The following S100A7A variants were observed in gnomAD, a reference collection of about 807,000 sequenced individuals.
S100A7A encodes S100 calcium binding protein A7A.
S100A7A carries 5 observed loss-of-function variants against 4.0 expected under a neutral mutation model. The observed-to-expected ratio is 1.26, with a 90% CI of 0.66 to 2.66. S100A7A has a LOEUF of 2.66. Among genes scored for constraint, S100A7A ranks in the 30% most tolerant of loss-of-function variants. The pLI, the probability that S100A7A is intolerant of heterozygous loss-of-function variation, is 0.01. For missense variants in S100A7A, 159 were observed against 125.1 expected, an observed-to-expected ratio of 1.27 and a Z score of -1.29; for synonymous variants, 52 against 46.4, an observed-to-expected ratio of 1.12 and a Z score of -0.49.
At chr1:153,417,351 A>G (rs1172439506) in intron 1 of S100A7A, 1 of 152,214 alleles carries the variant, frequency 6.6e-6, no homozygotes, top group African/African-American at 2.4e-5. Flanking sequence ...AAGAGCAGAC[A>G]TGAAGCGACT....
Position 153,419,316 on chromosome 1 carries a change from C to T in S100A7A, c.*7C>T. Reference sequence around the variant, plus strand: ...TTCTGGGGGAAGCCAGTGATCCAGCCCCACCAAGGGGCCTCCAGAGACCCC... The same window carrying T: ...TTCTGGGGGAAGCCAGTGATCCAGCTCCACCAAGGGGCCTCCAGAGACCCC... On this transcript the variant is annotated 3_prime_UTR_variant, in exon 3 of 3. Transcript: ENST00000368729. 3.1e-6 allele frequency: 5 copies of T among 1,613,112 alleles called. No homozygotes were observed. The highest frequency in any genetic ancestry group is 4.2e-6 in the Non-Finnish European group (5 of 1,179,568).
rs961604379 is a variant in S100A7A, at chr1:153,420,640, A to G, written c.*1331A>G. The G allele has an allele frequency of 2.6e-5, 4 of 152,286 alleles. No individual in the cohort carries two copies. Among genetic ancestry groups the G allele is most frequent in the African/African-American group, 9.6e-5 (4 of 41,518 alleles). 9.4% of individuals were successfully genotyped at this position (152,286 alleles called of 1,614,324 possible). A position where few individuals can be genotyped will look rare whatever the true frequency, so the allele number is the denominator to read the frequency against. Reference sequence around the variant, plus strand: ...ATCAGGAACATTCCTTCCTGAACATATTCTGCACCTCGTCAGCCTTCAGGA... The same window carrying G: ...ATCAGGAACATTCCTTCCTGAACATGTTCTGCACCTCGTCAGCCTTCAGGA... On this transcript the variant is annotated 3_prime_UTR_variant, in exon 3 of 3. Transcript: ENST00000368729.
At chr1:153,418,730 GGT>G (rs1662807852) in intron 2 of S100A7A, among the ~76,000 whole-genome samples, 1 of 152,156 alleles carries the variant, frequency 6.6e-6, no homozygotes, top group African/African-American at 2.4e-5. Flanking sequence ...AGATGAGTTT[GGT>G]GGAAAAGGAG....
Position 153,421,773 on chromosome 1 carries a change from A to C in S100A7A, c.*2464A>C, listed in dbSNP as rs951379656. On this transcript the variant is annotated 3_prime_UTR_variant, in exon 3 of 3. Coordinates refer to ENST00000368729, the MANE Select transcript of S100A7A (RefSeq NM_176823.4). The stretch of plus-strand genomic sequence containing the variant: ...GTCCAGAAGGCAATTGGCCACTCCT[A>C]ATGTGGGCCTGCCCTCCCTTTATTT... The C allele has an allele frequency of 1.1e-4, 16 of 152,238 alleles. No individual in the cohort carries two copies. Among genetic ancestry groups the C allele is most frequent in the African/African-American group, 3.9e-4 (16 of 41,464 alleles). 9.4% of individuals were successfully genotyped at this position (152,238 alleles called of 1,614,324 possible).
chr1:153,419,316 CCCACCAAGGGGCCT>C lies in S100A7A; in HGVS notation c.*11_*24del, dbSNP rs1223959270. The C allele has an allele frequency of 6.2e-7, 1 of 1,613,112 alleles. No homozygotes were observed. Among genetic ancestry groups the C allele is most frequent in the East Asian group, 2.2e-5 (1 of 44,862 alleles). ...TTCTGGGGGAAGCCAGTGATCCAGC[CCCACCAAGGGGCCT>C]CCAGAGACCCCAGGAACAATAAGTG... On this transcript the variant is annotated 3_prime_UTR_variant, in exon 3 of 3. Coordinates refer to ENST00000368729, the MANE Select transcript of S100A7A (RefSeq NM_176823.4).
rs745964524 is a variant in S100A7A, at chr1:153,418,248, T to C, written c.141+25T>C. 25 of 1,613,600 alleles carry C rather than the reference T, an allele frequency of 1.5e-5. No individual in the cohort carries two copies. The East Asian group carries it at 4.0e-4, about 26-fold the overall frequency. ...TGTGAGTTGGGGTCTAGCTTCTCAA[T>C]GTTGGTTGGACCCTGGCATGGCTGA... On this transcript the variant is annotated intron_variant, in intron 2 of 2. Coordinates refer to ENST00000368729, the MANE Select transcript of S100A7A (RefSeq NM_176823.4).
At chr1:153,418,390 C>T (rs540697065) in intron 2 of S100A7A, among the ~76,000 whole-genome samples, 167 bp downstream of exon 2, 26 of 151,952 alleles carry the variant, frequency 1.7e-4, no homozygotes, top group Admixed American at 1.2e-3. Flanking sequence ...GGATGGTAGG[C>T]GAAAAAGTAT....
chr1:153,422,079 TA>T lies in S100A7A; in HGVS notation c.*2771del, dbSNP rs1571187876. ...GGACACATGTGTGGCATACAGTTCC[TA>T]GTTAAGATCCCAAATCCTGAGATAT... On this transcript the variant is annotated 3_prime_UTR_variant, in exon 3 of 3. Transcript: ENST00000368729. The T allele has an allele frequency of 6.6e-6, 1 of 152,238 alleles. No homozygotes were observed. Among genetic ancestry groups the T allele is most frequent in the Non-Finnish European group, 1.5e-5 (1 of 68,050 alleles). The allele number at this position is 152,238 out of a possible 1,614,324, so 9.4% of individuals were successfully genotyped here.
intron 1 of S100A7A, among the ~76,000 whole-genome samples, chr1:153,417,648 T>C (rs992559356): frequency 6.6e-6 from 1 of 152,210 alleles, no homozygotes; most frequent in Non-Finnish European, 1.5e-5. Context: ...ACCAAGGCCA[T>C]TGTCCTGCCC....
At position 153,421,460 on chromosome 1, in the gene S100A7A, T is replaced by G. The variant is rs1448906325; in HGVS notation, c.*2151T>G. ...GCACATAGTAGTACTGGATTCCAGCTCATAATAAGTACTCTATATCATTTT... is the reference window on the plus strand; with the variant it reads ...GCACATAGTAGTACTGGATTCCAGCGCATAATAAGTACTCTATATCATTTT... On this transcript the variant is annotated 3_prime_UTR_variant, in exon 3 of 3. Coordinates refer to ENST00000368729, the MANE Select transcript of S100A7A (RefSeq NM_176823.4). 4 of 152,230 alleles carry G rather than the reference T, an allele frequency of 2.6e-5. No individual in the cohort carries two copies. The highest frequency in any genetic ancestry group is 5.9e-5 in the Non-Finnish European group (4 of 68,046). The allele number at this position is 152,230 out of a possible 1,614,324, so 9.4% of individuals were successfully genotyped here.
In S100A7A at chr1:153,419,149, A is replaced by T. The variant is rs1288766227; in HGVS notation, c.146A>T (p.Lys49Ile). The part of the protein sequence containing the change: ...NFPNFLSACD[K>I]KGIHYLATVF... The stretch of plus-strand genomic sequence containing the variant: ...TGTATGTTTTTCTCTTCACAGGACA[A>T]AAAGGGCATACATTACCTCGCCACT... The change falls in exon 3 of 3, where the codon AAA (lysine) becomes ATA (isoleucine). Residue 49 changes from lysine to isoleucine, a missense_variant. By Grantham distance (102) the Lys-to-Ile change is moderately radical (BLOSUM62 -3). Coordinates refer to ENST00000368729, the MANE Select transcript of S100A7A (RefSeq NM_176823.4). The T allele has an allele frequency of 5.0e-6, 8 of 1,613,588 alleles. No homozygotes were observed. Among genetic ancestry groups the T allele is most frequent in the Non-Finnish European group, 6.8e-6 (8 of 1,179,896 alleles).
rs748104620 is a variant in S100A7A at position 153,419,160 on chromosome 1, C to T, written c.157C>T (p.His53Tyr). Residue 53 changes from histidine (H) to tyrosine (Y), a missense_variant, in exon 3 of 3, where the codon CAT becomes TAT. By Grantham distance (83) the His-to-Tyr change is moderately conservative (BLOSUM62 2). Transcript: ENST00000368729. ...FLSACDKKGIHYLATVFEKKD... is the reference protein window; with the variant it reads ...FLSACDKKGIYYLATVFEKKD... Reference sequence around the variant, plus strand: ...CTCTTCACAGGACAAAAAGGGCATACATTACCTCGCCACTGTCTTTGAGAA... The same window carrying T: ...CTCTTCACAGGACAAAAAGGGCATATATTACCTCGCCACTGTCTTTGAGAA... 6.2e-7 allele frequency: 1 copy of T among 1,614,056 alleles called. No homozygotes were observed. Among genetic ancestry groups the T allele is most frequent in the Non-Finnish European group, 8.5e-7 (1 of 1,179,970 alleles).
rs770102816 is a variant in S100A7A at position 153,416,578 on chromosome 1, C to T, written c.-18+15C>T. 17 of 478,766 alleles carry T rather than the reference C, an allele frequency of 3.6e-5. No homozygotes were observed. Among genetic ancestry groups the T allele is most frequent in the Non-Finnish European group, 6.7e-5 (16 of 239,120 alleles). The allele number at this position is 478,766 out of a possible 1,614,324, so 29.7% of individuals were successfully genotyped here. A position where few individuals can be genotyped will look rare whatever the true frequency, so the allele number is the denominator to read the frequency against. ...TCCCAGTTCTGGTAAGTCTCACCTG[C>T]CTCTTTGCATTTTCTAGAAGTGCCC... On this transcript the variant is annotated intron_variant, in intron 1 of 2. Transcript: ENST00000368729.
chr1:153,421,966 A>T lies in S100A7A; in HGVS notation c.*2657A>T, dbSNP rs2101629439. 1 of 152,374 alleles carries T rather than the reference A, an allele frequency of 6.6e-6. No individual in the cohort carries two copies. Among genetic ancestry groups the T allele is most frequent in the South Asian group, 2.1e-4 (1 of 4,828 alleles). 9.4% of individuals were successfully genotyped at this position (152,374 alleles called of 1,614,324 possible). ...TTCCTGAGACTATTTCACACTCTCCATGCTTATGTCAATGCAGGACTCATC... is the reference window on the plus strand; with the variant it reads ...TTCCTGAGACTATTTCACACTCTCCTTGCTTATGTCAATGCAGGACTCATC... On this transcript the variant is annotated 3_prime_UTR_variant, in exon 3 of 3. Coordinates refer to ENST00000368729, the MANE Select transcript of S100A7A (RefSeq NM_176823.4).
At chr1:153,417,935 TA>T in intron 1 of S100A7A, 130 bp from the exon 2 acceptor site, 2 of 1,111,168 alleles carry the variant, frequency 1.8e-6, no homozygotes, top group Non-Finnish European at 2.5e-6. Context: ...CCATCACATT[TA>T]AAAAAATCAA....
chr1:153,418,275 G>T (rs1178792559), intron 2 of S100A7A, 52 bp downstream of exon 2: 1 of 1,609,502 alleles, frequency 6.2e-7, no homozygotes, highest in African/African-American at 1.3e-5. Context: ...CATGGCTGAG[G>T]ATACATTTTG....
chr1:153,418,176 C>A lies in S100A7A; in HGVS notation c.94C>A (p.Leu32Met), dbSNP rs1662784712. 6.2e-7 allele frequency: 1 copy of A among 1,614,048 alleles called. No homozygotes were observed. The highest frequency in any genetic ancestry group is 2.2e-5 in the East Asian group (1 of 44,878). ...GRDGKIEKPS[L>M]LTMMKENFPN... ...TGATGGCAAGATTGAGAAGCCAAGCCTGCTGACGATGATGAAGGAGAACTT... is the reference window on the plus strand; with the variant it reads ...TGATGGCAAGATTGAGAAGCCAAGCATGCTGACGATGATGAAGGAGAACTT... Residue 32 changes from leucine to methionine, a missense_variant, in exon 2 of 3, where the codon CTG becomes ATG. Leu to Met is a conservative substitution (Grantham distance 15). Coordinates refer to ENST00000368729, the MANE Select transcript of S100A7A (RefSeq NM_176823.4).
chr1:153,419,616 G>A lies in S100A7A; in HGVS notation c.*307G>A. On this transcript the variant is annotated 3_prime_UTR_variant, in exon 3 of 3. Coordinates refer to ENST00000368729, the MANE Select transcript of S100A7A (RefSeq NM_176823.4). ...GGCAGGTTCCAGGTGGAAGTTGGTAGAAGGCCCCTGCCAGGTCACAGCAAT... is the reference window on the plus strand; with the variant it reads ...GGCAGGTTCCAGGTGGAAGTTGGTAAAAGGCCCCTGCCAGGTCACAGCAAT... 1 of 385,244 alleles carries A rather than the reference G, an allele frequency of 2.6e-6. No individual in the cohort carries two copies. The highest frequency in any genetic ancestry group is 4.7e-6 in the Non-Finnish European group (1 of 212,896). 23.9% of individuals were successfully genotyped at this position (385,244 alleles called of 1,614,324 possible).
chr1:153,421,884 C>T lies in S100A7A; in HGVS notation c.*2575C>T, dbSNP rs1001277579. On this transcript the variant is annotated 3_prime_UTR_variant, in exon 3 of 3. Coordinates refer to ENST00000368729, the MANE Select transcript of S100A7A (RefSeq NM_176823.4). Reference sequence around the variant, plus strand: ...GGATGGAGTGTGTGGACAAATACTTCTTCATCTTCTTGTCTAGGTTTTAGA... The same window carrying T: ...GGATGGAGTGTGTGGACAAATACTTTTTCATCTTCTTGTCTAGGTTTTAGA... 1 of 152,230 alleles carries T rather than the reference C, an allele frequency of 6.6e-6. No homozygotes were observed. The highest frequency in any genetic ancestry group is 6.5e-5 in the Admixed American group (1 of 15,288). The allele number at this position is 152,230 out of a possible 1,614,324, so 9.4% of individuals were successfully genotyped here. A position where few individuals can be genotyped will look rare whatever the true frequency, so the allele number is the denominator to read the frequency against.
Sources: gnomAD v4.1 joint callset for allele counts (sites outside exome capture counted in the v4.1 genomes callset) on GRCh38, gnomAD v4.1.1 for gene constraint, MANE v1.5 for transcripts, NCBI Gene and HGNC (gene_info 2026-07-23, HGNC 2026-07-21) for gene names.